LIPI: variants seen among roughly 807,000 people sequenced by gnomAD.
The protein encoded by LIPI is lipase I.
Under a neutral mutation model 50.6 loss-of-function variants are expected in LIPI, and 59 were observed. The ratio of observed to expected loss-of-function variants is 1.16; its 90% CI spans 0.94 to 1.45. LIPI has a LOEUF of 1.45. Ranked by LOEUF, LIPI falls within the 40% of genes most tolerant of loss-of-function variation. LIPI has a pLI of 0.00. For missense variants in LIPI, 586 were observed against 536.3 expected (o/e 1.09, Z -0.92); for synonymous variants, 203 against 178.2 (o/e 1.14, Z -1.11).
chr21:14,112,131 A>G (rs2016441179), intron 9 of LIPI, among the ~76,000 whole-genome samples: 1 of 152,056 alleles, frequency 6.6e-6, no homozygotes, highest in Non-Finnish European at 1.5e-5. Flanking sequence ...CTTTGTTGAA[A>G]ATTAATTTTT....
At chr21:14,116,883 G>A (rs1187691012) in intron 9 of LIPI, among the ~76,000 whole-genome samples, 1 of 152,162 alleles carries the variant, frequency 6.6e-6, no homozygotes, top group Non-Finnish European at 1.5e-5. Context: ...GGAAAAGCCT[G>A]TCCTACAGGC....
intron 4 of LIPI, among the ~76,000 whole-genome samples, chr21:14,168,284 C>T (rs2123174817): frequency 6.6e-6 from 1 of 152,340 alleles, no homozygotes; most frequent in South Asian, 2.1e-4. Flanking sequence ...AGTTGGAAAA[C>T]ACTCTGCAAG....
rs555291080 is a variant in LIPI at position 14,202,706 on chromosome 21, G to A, written c.46+8094C>T. 1.5e-3 allele frequency among the ~76,000 whole-genome samples: 229 copies of A among 152,212 alleles called. 2 individuals carry two copies. The highest frequency in any genetic ancestry group is 5.3e-3 in the African/African-American group (220 of 41,526). ...TTCAAGATGGATTAAAGACTTAAAT[G>A]TTAGACCTAAAACCATAAAAACCCT... On this transcript the variant is annotated intron_variant, in intron 1 of 9. Transcript: ENST00000681601.
At chr21:14,150,302 C>T (rs1389264820) in intron 8 of LIPI, among the ~76,000 whole-genome samples, 1 of 152,298 alleles carries the variant, frequency 6.6e-6, no homozygotes, top group East Asian at 1.9e-4. Flanking sequence ...GGACAAACAG[C>T]CAAACTATAT....
At chr21:14,170,340 G>A (rs1413559084) in intron 4 of LIPI, among the ~76,000 whole-genome samples, 3 of 152,150 alleles carry the variant, frequency 2.0e-5, no homozygotes, top group Non-Finnish European at 4.4e-5. Context: ...TAGAAAAAGA[G>A]GGAATCCTCC....
intron 9 of LIPI, among the ~76,000 whole-genome samples, chr21:14,124,293 C>A (rs1286720517): frequency 6.6e-6 from 1 of 152,048 alleles, no homozygotes; most frequent in Non-Finnish European, 1.5e-5. Flanking sequence ...ACATTTATAG[C>A]GAGCACCAAA....
intron 1 of LIPI, among the ~76,000 whole-genome samples, chr21:14,194,964 T>C (rs1010648113): frequency 1.3e-5 from 2 of 152,160 alleles, no homozygotes; most frequent in African/African-American, 4.8e-5. Flanking sequence ...ATTTAGACAC[T>C]GGACAACAAA....
intron 3 of LIPI, among the ~76,000 whole-genome samples, chr21:14,184,249 T>C (rs36165142): frequency 0.034 from 5,128 of 152,132 alleles, 214 homozygotes; most frequent in East Asian, 0.23. Flanking sequence ...CACCGCATGT[T>C]CTCACTCATA....
At chr21:14,113,564 A>G (rs1485527505) in intron 9 of LIPI, among the ~76,000 whole-genome samples, 1 of 152,224 alleles carries the variant, frequency 6.6e-6, no homozygotes, top group Non-Finnish European at 1.5e-5. Flanking sequence ...CAAATATTAG[A>G]TCTTACTTCA....
intron 9 of LIPI, among the ~76,000 whole-genome samples, chr21:14,124,173 G>A (rs193005938): frequency 6.6e-5 from 10 of 152,180 alleles, no homozygotes; most frequent in Admixed American, 1.3e-4. Context: ...ATAGTGGACC[G>A]AAAAACTACC....
At chr21:14,130,953 T>C (rs1283486125) in intron 9 of LIPI, among the ~76,000 whole-genome samples, 1 of 152,122 alleles carries the variant, frequency 6.6e-6, no homozygotes, top group Non-Finnish European at 1.5e-5. Context: ...TTGTTGTTGT[T>C]GTTTTGTTTC....
chr21:14,109,822 A>T (rs190460445), intron 9 of LIPI, among the ~76,000 whole-genome samples: 1 of 151,770 alleles, frequency 6.6e-6, no homozygotes, highest in Non-Finnish European at 1.5e-5. Flanking sequence ...ATTTTACCAA[A>T]GCCTTTGAGA....
Position 14,210,863 on chromosome 21 carries a change from CA to C in LIPI, c.-19del. On this transcript the variant is annotated 5_prime_UTR_variant, in exon 1 of 10. Coordinates refer to ENST00000681601, the MANE Select transcript of LIPI (RefSeq NM_001302998.2). The stretch of plus-strand genomic sequence containing the variant: ...ACTCTCATTTGGAATCTGAGAAAAG[CA>C]AAAACAGCACTCAATTCACCAAAAA... The C allele has an allele frequency of 4.9e-6, 6 of 1,225,918 alleles. No individual in the cohort carries two copies. The highest frequency in any genetic ancestry group is 4.3e-5 in the South Asian group (3 of 69,984). 75.9% of individuals were successfully genotyped at this position (1,225,918 alleles called of 1,614,324 possible).
intron 9 of LIPI, among the ~76,000 whole-genome samples, chr21:14,128,473 T>A (rs1004348705): frequency 2.6e-5 from 4 of 152,090 alleles, no homozygotes; most frequent in South Asian, 4.1e-4. Context: ...TTCTATTTCT[T>A]AAACTAATAG....
At chr21:14,125,670 G>A (rs2017032842) in intron 9 of LIPI, among the ~76,000 whole-genome samples, 1 of 152,106 alleles carries the variant, frequency 6.6e-6, no homozygotes, top group Non-Finnish European at 1.5e-5. Context: ...TGATTCTCCT[G>A]CCTCAGCCTA....
chr21:14,173,398 G>T (rs1294727813), intron 4 of LIPI, among the ~76,000 whole-genome samples: 1 of 152,142 alleles, frequency 6.6e-6, no homozygotes, highest in African/African-American at 2.4e-5. Context: ...TGATTCAAGG[G>T]TTTATGTAGC....
intron 1 of LIPI, among the ~76,000 whole-genome samples, chr21:14,209,356 C>A (rs903940871): frequency 1.4e-4 from 22 of 151,974 alleles, no homozygotes; most frequent in Non-Finnish European, 2.9e-4. Context: ...TGAAACATGC[C>A]CTCCTTGAGG....
chr21:14,118,798 G>C (rs1045730126), intron 9 of LIPI, among the ~76,000 whole-genome samples: 3 of 152,206 alleles, frequency 2.0e-5, no homozygotes, highest in African/African-American at 7.2e-5. Context: ...ACCTGGTGCA[G>C]ATCTGTCAGT....
At chr21:14,198,067 G>C (rs1568883680) in intron 1 of LIPI, among the ~76,000 whole-genome samples, 1 of 152,024 alleles carries the variant, frequency 6.6e-6, no homozygotes, top group African/African-American at 2.4e-5. Context: ...GACAAGCAAA[G>C]GCTGAGGGAA....
Sources: allele counts gnomAD v4.1 joint callset (sites outside exome capture counted in the v4.1 genomes callset), GRCh38; gene constraint gnomAD v4.1.1; transcripts MANE v1.5; gene names NCBI Gene and HGNC (gene_info 2026-07-23, HGNC 2026-07-21).